The following KDM4A variants were observed in gnomAD, a reference collection of about 807,000 sequenced individuals.
KDM4A encodes lysine demethylase 4A.
KDM4A carries 23 observed loss-of-function variants against 127.1 expected under a neutral mutation model. That is an observed-to-expected ratio of 0.18 (90% confidence interval 0.13 to 0.26). The LOEUF (loss-of-function observed/expected upper bound fraction) is 0.26, where lower values mean the gene tolerates loss of function less well. Among genes scored for constraint, KDM4A ranks in the 10% least tolerant of loss-of-function variants. The pLI, the probability that KDM4A is intolerant of heterozygous loss-of-function variation, is 1.00. For missense variants in KDM4A, 890 were observed against 1,329.1 expected, an observed-to-expected ratio of 0.67 and a Z score of 5.14; for synonymous variants, 443 against 466.5, an observed-to-expected ratio of 0.95 and a Z score of 0.65.
intron 1 of KDM4A, chr1:43,650,721 C>G (rs989740893): frequency 6.6e-6 from 1 of 152,322 alleles, no homozygotes; most frequent in Non-Finnish European, 1.5e-5. Context: ...ATCATCTGAG[C>G]TAATCACAGC....
chr1:43,678,289 G>A (rs939221349), intron 11 of KDM4A, among the ~76,000 whole-genome samples: 1 of 152,080 alleles, frequency 6.6e-6, no homozygotes, highest in Non-Finnish European at 1.5e-5. Flanking sequence ...GGCACTGGTG[G>A]GCATGGAAGA....
At chr1:43,665,673 C>T (rs1660485252) in intron 5 of KDM4A, 23 bp from the exon 6 acceptor site, 1 of 1,613,562 alleles carries the variant, frequency 6.2e-7, no homozygotes, top group Non-Finnish European at 8.5e-7. Context: ...CACCCAGCCT[C>T]TGATGCTCTC....
At chr1:43,701,777 A>G (rs7522079) in intron 19 of KDM4A, among the ~76,000 whole-genome samples, 16,606 of 152,224 alleles carry the variant, frequency 0.11, 3,083 homozygotes, top group African/African-American at 0.38. Flanking sequence ...ATGAGCCACC[A>G]TGCCTGGCCT....
chr1:43,682,982 A>G (rs894339478), intron 11 of KDM4A, among the ~76,000 whole-genome samples: 3 of 152,338 alleles, frequency 2.0e-5, no homozygotes, highest in East Asian at 3.9e-4. Flanking sequence ...TTCTGAGTCA[A>G]TCCTGTACAT....
intron 4 of KDM4A, among the ~76,000 whole-genome samples, chr1:43,661,466 T>G (rs905157985): frequency 1.3e-5 from 2 of 151,234 alleles, no homozygotes; most frequent in Non-Finnish European, 1.5e-5. Flanking sequence ...AAAAGTAGCC[T>G]GCAGTAGCGG....
At chr1:43,690,061 G>C (rs534504285) in intron 13 of KDM4A, among the ~76,000 whole-genome samples, 9 of 152,364 alleles carry the variant, frequency 5.9e-5, no homozygotes, top group Middle Eastern at 3.4e-3. Context: ...CCATCCAGCA[G>C]ATATTTGCAA....
Position 43,694,999 on chromosome 1 carries a change from C to A in KDM4A, c.2670+105C>A. ...AGCAACTATTTCCTCAAGCATTCTG[C>A]ATTATGAAGAGTGCTAATGAGTTAA... On this transcript the variant is annotated intron_variant, in intron 18 of 21. Transcript: ENST00000372396. This position sits in a 1 kb window ranked among gnomAD's most constrained non-coding sequence, Gnocchi z 5.2. The A allele has an allele frequency of 1.8e-6, 2 of 1,137,224 alleles. No individual in the cohort carries two copies. Among genetic ancestry groups the A allele is most frequent in the Non-Finnish European group, 2.5e-6 (2 of 810,188 alleles). 70.4% of individuals were successfully genotyped at this position (1,137,224 alleles called of 1,614,324 possible).
At chr1:43,683,405 G>A (rs893281181) in intron 11 of KDM4A, among the ~76,000 whole-genome samples, 1 of 152,228 alleles carries the variant, frequency 6.6e-6, no homozygotes, top group African/African-American at 2.4e-5. Context: ...TCTCAGAGCT[G>A]GAGCAGGCTT....
At chr1:43,656,731 C>CTT (rs769635621) in intron 3 of KDM4A, among the ~76,000 whole-genome samples, 3 of 141,518 alleles carry the variant, frequency 2.1e-5, no homozygotes, top group Non-Finnish European at 3.1e-5. Context: ...ACTACTCCAT[C>CTT]TTTTTTTTTT....
rs1235808740 is a variant in KDM4A at position 43,693,341 on chromosome 1, C to G, written c.2376-653C>G. Among the ~76,000 whole-genome samples, 1 of 152,208 alleles carries G rather than the reference C, an allele frequency of 6.6e-6. No homozygotes were observed. Among genetic ancestry groups the G allele is most frequent in the Non-Finnish European group, 1.5e-5 (1 of 68,038 alleles). On this transcript the variant is annotated intron_variant, in intron 16 of 21. Coordinates refer to ENST00000372396, the MANE Select transcript of KDM4A (RefSeq NM_014663.3). The surrounding 1 kb of genome is among the most constrained non-coding windows in gnomAD (Gnocchi z 4.2). ...CAGTGTTGTCTGGTGTAGGTTTTCACGTAGCATGGTTTTAAGAGTTGTCAC... is the reference window on the plus strand; with the variant it reads ...CAGTGTTGTCTGGTGTAGGTTTTCAGGTAGCATGGTTTTAAGAGTTGTCAC...
In KDM4A at chr1:43,695,211, C is replaced by T. The variant is rs1396210854; in HGVS notation, c.2670+317C>T. On this transcript the variant is annotated intron_variant, in intron 18 of 21. Transcript: ENST00000372396. The stretch of plus-strand genomic sequence containing the variant: ...CATCCTTATTACTTAACCTAGTGTC[C>T]GGGACATGCAGAACCTCTGAAAATG... 5.3e-5 allele frequency among the ~76,000 whole-genome samples: 8 copies of T among 152,106 alleles called. No homozygotes were observed. The East Asian group carries it at 1.2e-3, about 22-fold the overall frequency.
chr1:43,665,833 G>T, intron 6 of KDM4A, 88 bp downstream of exon 6: 1 of 1,373,242 alleles, frequency 7.3e-7, no homozygotes, highest in Non-Finnish European at 1.0e-6. Context: ...CCCATGGTCA[G>T]ATACTTGCAG....
intron 3 of KDM4A, among the ~76,000 whole-genome samples, chr1:43,656,494 T>C (rs11210900): frequency 0.12 from 18,657 of 150,490 alleles, 1,522 homozygotes; most frequent in African/African-American, 0.24. Context: ...CGCGCCACCA[T>C]GCTTGGCTAT....
intron 8 of KDM4A, among the ~76,000 whole-genome samples, chr1:43,667,376 T>G (rs1660522660): frequency 6.6e-6 from 1 of 152,140 alleles, no homozygotes; most frequent in Non-Finnish European, 1.5e-5. Context: ...CTGTTGAAAT[T>G]TTTAGGGGTT....
intron 6 of KDM4A, among the ~76,000 whole-genome samples, chr1:43,666,027 G>A (rs1422471828): frequency 2.0e-5 from 3 of 152,166 alleles, no homozygotes; most frequent in Admixed American, 6.5e-5. Context: ...AGACCCAAAT[G>A]TTAAAGAAAA....
intron 11 of KDM4A, among the ~76,000 whole-genome samples, chr1:43,673,854 C>G (rs754053075): frequency 2.0e-5 from 3 of 152,244 alleles, no homozygotes; most frequent in African/African-American, 4.8e-5. Flanking sequence ...TGTCCTCTTG[C>G]TGAGTCTTCC....
intron 4 of KDM4A, 41 bp from the exon 5 acceptor site, chr1:43,662,853 A>T: frequency 6.5e-7 from 1 of 1,545,102 alleles, no homozygotes; most frequent in East Asian, 2.3e-5. Context: ...CTCGGTTTCT[A>T]TGCAAATGTA....
chr1:43,673,530 A>G (rs1295324818), intron 11 of KDM4A, among the ~76,000 whole-genome samples: 1 of 150,974 alleles, frequency 6.6e-6, no homozygotes, highest in Non-Finnish European at 1.5e-5. Context: ...GTTGATACTC[A>G]TAACTTTTCT....
At chr1:43,663,331 CG>C (rs1660426761) in intron 5 of KDM4A, among the ~76,000 whole-genome samples, 2 of 152,262 alleles carry the variant, frequency 1.3e-5, no homozygotes, top group Admixed American at 6.5e-5. Context: ...CCCAAAGACA[CG>C]GGGGCTCTTC....
Sources: allele counts gnomAD v4.1 joint callset (sites outside exome capture counted in the v4.1 genomes callset), GRCh38; gene constraint gnomAD v4.1.1; non-coding constraint Gnocchi (gnomAD v3.1); transcripts MANE v1.5; gene names NCBI Gene and HGNC (gene_info 2026-07-23, HGNC 2026-07-21).